The following MACROD2 variants were observed in gnomAD, a reference collection of about 807,000 sequenced individuals.
MACROD2 encodes the protein ADP-ribose glycohydrolase MACROD2.
Under a neutral mutation model 70.4 loss-of-function variants are expected in MACROD2, and 36 were observed. The observed-to-expected ratio is 0.51, with a 90% CI of 0.39 to 0.68. The LOEUF (loss-of-function observed/expected upper bound fraction) is 0.68. Ranked by LOEUF, MACROD2 falls within the 30% of genes least tolerant of loss-of-function variation. The pLI, the probability that MACROD2 is intolerant of heterozygous loss-of-function variation, is 0.00. For missense variants in MACROD2, 496 were observed against 538.4 expected (o/e 0.92, Z 0.78); for synonymous variants, 172 against 178.8 (o/e 0.96, Z 0.30).
chr20:15,842,121 C>T (rs1460240315), intron 8 of MACROD2, among the ~76,000 whole-genome samples: 1 of 152,074 alleles, frequency 6.6e-6, no homozygotes, highest in Non-Finnish European at 1.5e-5. Context: ...CAGCACAATC[C>T]AGCAAGAGAG....
At chr20:14,231,746 AGTCCC>A (rs2081815266) in intron 3 of MACROD2, among the ~76,000 whole-genome samples, 1 of 152,230 alleles carries the variant, frequency 6.6e-6, no homozygotes, top group Non-Finnish European at 1.5e-5. Context: ...ACTAGTTTAC[AGTCCC>A]ATCAACAGTG....
At chr20:14,859,422 T>C (rs1418103549) in intron 5 of MACROD2, among the ~76,000 whole-genome samples, 1 of 152,160 alleles carries the variant, frequency 6.6e-6, no homozygotes, top group Non-Finnish European at 1.5e-5. Flanking sequence ...AAACAGTGCC[T>C]GTGTGCATGT....
In MACROD2 at chr20:15,933,283, C is replaced by A. The variant is rs373690455; in HGVS notation, c.783C>A (p.Asn261Lys). ...DVEMKEDSDE[N>K]GPEEKQSVEE... ...CTGTGGTTTTCTTGAAAGATGAGAA[C>A]GGTCCAGAGGAGAAGCAAAGTGTGG... The change falls in exon 11 of 18, where the codon AAC becomes AAA. Residue 261 changes from asparagine (N) to lysine (K), a missense_variant. Asn to Lys is a moderately conservative substitution (Grantham distance 94). Transcript: ENST00000684519. The A allele has an allele frequency of 6.2e-7, 1 of 1,612,806 alleles. No individual in the cohort carries two copies. The highest frequency in any genetic ancestry group is 1.1e-5 in the South Asian group (1 of 91,010).
chr20:14,733,994 A>G (rs1276873948), intron 5 of MACROD2, among the ~76,000 whole-genome samples: 1 of 152,174 alleles, frequency 6.6e-6, no homozygotes, highest in East Asian at 1.9e-4. Flanking sequence ...TTTGTTAGAA[A>G]ATATCAGATA....
intron 8 of MACROD2, among the ~76,000 whole-genome samples, chr20:15,699,008 C>A (rs550184397): frequency 6.6e-6 from 1 of 152,292 alleles, no homozygotes; most frequent in South Asian, 2.1e-4. Context: ...GATTTCTTTG[C>A]ATTGGGCTAC....
chr20:14,417,026 T>C (rs1568602436), intron 3 of MACROD2, among the ~76,000 whole-genome samples: 1 of 151,686 alleles, frequency 6.6e-6, no homozygotes, highest in South Asian at 2.1e-4. Context: ...ACACACGCTA[T>C]CTATCTATAT....
intron 3 of MACROD2, among the ~76,000 whole-genome samples, chr20:14,407,124 A>AG (rs2083698761): frequency 6.6e-6 from 1 of 150,752 alleles, no homozygotes; most frequent in Non-Finnish European, 1.5e-5. Context: ...GGCAATGAAA[A>AG]AAAAAACATG....
At chr20:15,117,210 A>G (rs962501646) in intron 5 of MACROD2, among the ~76,000 whole-genome samples, 4 of 152,210 alleles carry the variant, frequency 2.6e-5, no homozygotes, top group African/African-American at 7.2e-5. Flanking sequence ...GAGAAAATAT[A>G]TAAGAAAAAA....
intron 5 of MACROD2, among the ~76,000 whole-genome samples, chr20:14,920,297 A>G (rs1260991865): frequency 6.6e-6 from 1 of 152,116 alleles, no homozygotes; most frequent in Admixed American, 6.6e-5. Flanking sequence ...GTGAATAACC[A>G]GGGCTCAACA....
At chr20:15,652,108 T>A (rs964618738) in intron 8 of MACROD2, among the ~76,000 whole-genome samples, 5 of 152,104 alleles carry the variant, frequency 3.3e-5, no homozygotes, top group African/African-American at 4.8e-5. Flanking sequence ...TTGTTCTGAT[T>A]CCTAGACACT....
At chr20:15,782,716 G>T (rs1176722330) in intron 8 of MACROD2, among the ~76,000 whole-genome samples, 2 of 35,970 alleles carry the variant, frequency 5.6e-5, no homozygotes, top group African/African-American at 1.6e-4. Context: ...TAGAGAAATG[G>T]CAAAAAAAAA....
At chr20:16,014,853 G>T (rs1280219002) in intron 15 of MACROD2, among the ~76,000 whole-genome samples, 2 of 152,076 alleles carry the variant, frequency 1.3e-5, no homozygotes, top group African/African-American at 2.4e-5. Flanking sequence ...CTTCTCTCTG[G>T]GTTGGGGTTA....
chr20:15,393,836 A>G (rs2045825325), intron 6 of MACROD2, among the ~76,000 whole-genome samples: 1 of 152,148 alleles, frequency 6.6e-6, no homozygotes, highest in South Asian at 2.1e-4. Flanking sequence ...CTCTCTGAGC[A>G]TTGGCTATTA....
chr20:14,834,084 A>C (rs2073001566), intron 5 of MACROD2, among the ~76,000 whole-genome samples: 2 of 152,136 alleles, frequency 1.3e-5, no homozygotes, highest in Admixed American at 1.3e-4. Flanking sequence ...AAACTACATA[A>C]TATATTAGAG....
chr20:14,482,486 G>A (rs2084674159), intron 3 of MACROD2, among the ~76,000 whole-genome samples: 1 of 150,970 alleles, frequency 6.6e-6, no homozygotes. Context: ...CACGTCATGA[G>A]TTAGATTTGT....
chr20:14,498,565 T>G (rs2084882096), intron 4 of MACROD2, among the ~76,000 whole-genome samples: 1 of 152,212 alleles, frequency 6.6e-6, no homozygotes, highest in African/African-American at 2.4e-5. Flanking sequence ...CTTTCAGATG[T>G]TCCAAGGATT....
At chr20:15,210,853 C>T (rs1247494402) in intron 5 of MACROD2, among the ~76,000 whole-genome samples, 1 of 152,286 alleles carries the variant, frequency 6.6e-6, no homozygotes, top group South Asian at 2.1e-4. Flanking sequence ...CTGGAGCCCT[C>T]CAAGCCATGC....
intron 10 of MACROD2, among the ~76,000 whole-genome samples, chr20:15,902,393 A>C (rs6043607): frequency 0.023 from 3,538 of 152,194 alleles, 137 homozygotes; most frequent in African/African-American, 0.079. Context: ...ATTCTAGGGT[A>C]TGTGGCATTG....
intron 8 of MACROD2, among the ~76,000 whole-genome samples, chr20:15,823,275 CGTGTGT>C (rs11471023): frequency 0.01 from 1,295 of 128,700 alleles, 12 homozygotes; most frequent in East Asian, 0.027. Context: ...GTGAGCTCTT[CGTGTGT>C]GTGTGTGTGT....
Sources: gnomAD v4.1 joint callset for allele counts (sites outside exome capture counted in the v4.1 genomes callset) on GRCh38, gnomAD v4.1.1 for gene constraint, MANE v1.5 for transcripts, NCBI Gene and HGNC (gene_info 2026-07-23, HGNC 2026-07-21) for gene names.